Variants in WNT7A observed in about 807,000 individuals in gnomAD.
The protein encoded by WNT7A is Wnt family member 7A, also known as protein Wnt-7a.
In WNT7A, 16 loss-of-function variants were observed where a neutral mutation model predicts 28.2. The observed-to-expected ratio is 0.57, with a 90% CI of 0.38 to 0.86. The LOEUF is 0.86. Ranked by LOEUF, WNT7A falls within the 40% of genes least tolerant of loss-of-function variation. The pLI, the probability that WNT7A is intolerant of heterozygous loss-of-function variation, is 0.00. For synonymous variants in WNT7A, 190 were observed against 195.9 expected, an observed-to-expected ratio of 0.97 and a Z score of 0.25; for missense variants, 411 against 489.7, an observed-to-expected ratio of 0.84 and a Z score of 1.52.
chr3:13,822,416 A>G (rs1694126420), intron 3 of WNT7A, among the ~76,000 whole-genome samples: 1 of 152,268 alleles, frequency 6.6e-6, no homozygotes, highest in Non-Finnish European at 1.5e-5. Flanking sequence ...ACACGCTACA[A>G]CATGGATGAG....
intron 2 of WNT7A, among the ~76,000 whole-genome samples, chr3:13,871,664 T>C (rs1452822269): frequency 6.6e-6 from 1 of 151,982 alleles, no homozygotes; most frequent in East Asian, 1.9e-4. Flanking sequence ...GGCTGGTGGA[T>C]TTCAAAGCAG....
At chr3:13,868,578 GA>G (rs1228715817) in intron 2 of WNT7A, among the ~76,000 whole-genome samples, 1 of 19,326 alleles carries the variant, frequency 5.2e-5, no homozygotes. Context: ...GAGAGAGAGA[GA>G]GAGAGAGAGA....
chr3:13,853,749 T>C (rs925902243), intron 3 of WNT7A, among the ~76,000 whole-genome samples: 4 of 152,214 alleles, frequency 2.6e-5, no homozygotes, highest in African/African-American at 9.6e-5. Context: ...ATCCTGACCC[T>C]GACTTGCTGC....
intron 3 of WNT7A, among the ~76,000 whole-genome samples, chr3:13,843,123 G>A (rs1381421810): frequency 1.3e-5 from 2 of 152,146 alleles, no homozygotes; most frequent in African/African-American, 4.8e-5. Flanking sequence ...TCCTTCTCTT[G>A]AGTCTGCTAG....
intron 2 of WNT7A, among the ~76,000 whole-genome samples, chr3:13,863,503 C>T (rs9828013): frequency 0.59 from 89,402 of 151,836 alleles, 28,326 homozygotes; most frequent in African/African-American, 0.82. Context: ...CTGTCTACCA[C>T]ATGAAAGCTG....
chr3:13,866,392 T>C (rs1363839993), intron 2 of WNT7A, among the ~76,000 whole-genome samples: 1 of 152,342 alleles, frequency 6.6e-6, no homozygotes, highest in East Asian at 1.9e-4. Context: ...ATCACTCCCG[T>C]TTGGTCAAGG....
At chr3:13,847,738 G>A (rs1317368224) in intron 3 of WNT7A, among the ~76,000 whole-genome samples, 3 of 152,072 alleles carry the variant, frequency 2.0e-5, no homozygotes, top group Admixed American at 1.3e-4. Flanking sequence ...TGCCTCTTAT[G>A]TGGGGCGCCT....
intron 3 of WNT7A, among the ~76,000 whole-genome samples, chr3:13,828,659 C>T (rs1171868673): frequency 2.6e-5 from 4 of 152,142 alleles, no homozygotes; most frequent in East Asian, 1.9e-4. Flanking sequence ...GCCAGGACCT[C>T]GAGGGCTGGA....
At position 13,872,896 on chromosome 3, in the gene WNT7A, T is replaced by C. The variant is rs148215823; in HGVS notation, c.298+2051A>G. On this transcript the variant is annotated intron_variant, in intron 2 of 3. Coordinates refer to ENST00000285018, the MANE Select transcript of WNT7A (RefSeq NM_004625.4). ...TGAGAGGCCCTGCCACTCATTTGAC[T>C]TGACTTCGAGCAAGTCCCTTATGAG... 4.8e-3 allele frequency among the ~76,000 whole-genome samples: 732 copies of C among 152,342 alleles called. 8 individuals carry two copies. The highest frequency in any genetic ancestry group is 0.016 in the African/African-American group (661 of 41,572).
intron 2 of WNT7A, among the ~76,000 whole-genome samples, chr3:13,863,111 C>T (rs1204511258): frequency 6.6e-6 from 1 of 152,172 alleles, no homozygotes; most frequent in Non-Finnish European, 1.5e-5. Flanking sequence ...TAAGCCAATG[C>T]ACATGACAAG....
chr3:13,869,418 GAAAC>G (rs1270748920), intron 2 of WNT7A, among the ~76,000 whole-genome samples: 7 of 117,486 alleles, frequency 6.0e-5, no homozygotes, highest in Non-Finnish European at 1.2e-4. Flanking sequence ...AGGAAAGAAA[GAAAC>G]AAAGAAAAGA....
intron 3 of WNT7A, 143 bp downstream of exon 3, chr3:13,854,389 A>C: frequency 7.3e-7 from 1 of 1,376,244 alleles, no homozygotes. Flanking sequence ...GACCAGCTAC[A>C]AGCTGATGCC....
In WNT7A at chr3:13,819,384, C is replaced by T. The variant is rs387907231; in HGVS notation, c.610G>A (p.Gly204Ser). The T allele has an allele frequency of 6.2e-7, 1 of 1,613,534 alleles. No homozygotes were observed. The highest frequency in any genetic ancestry group is 8.5e-7 in the Non-Finnish European group (1 of 1,179,800). ...ENMKLECKCH[G>S]VSGSCTTKTC... Reference sequence around the variant, plus strand: ...TTGGTGGTGCACGAGCCTGACACGCCGTGGCACTTACATTCCAGCTTCATG... The same window carrying T: ...TTGGTGGTGCACGAGCCTGACACGCTGTGGCACTTACATTCCAGCTTCATG... The change falls in exon 4 of 4, where the codon GGC (glycine) becomes AGC (serine). Residue 204 changes from glycine to serine, a missense_variant. Coordinates refer to ENST00000285018, the MANE Select transcript of WNT7A (RefSeq NM_004625.4).
intron 3 of WNT7A, among the ~76,000 whole-genome samples, chr3:13,833,026 T>C (rs1391812608): frequency 6.6e-6 from 1 of 152,068 alleles, no homozygotes. Flanking sequence ...GCCCGAGAAC[T>C]GTGGACACAC....
intron 2 of WNT7A, 93 bp downstream of exon 2, chr3:13,874,854 G>T: frequency 9.5e-6 from 12 of 1,268,282 alleles, no homozygotes; most frequent in Non-Finnish European, 1.4e-5. Flanking sequence ...ATTCTAGCAG[G>T]GGCAGGTGAG....
chr3:13,828,417 C>T (rs1694231300), intron 3 of WNT7A, among the ~76,000 whole-genome samples: 1 of 152,222 alleles, frequency 6.6e-6, no homozygotes, highest in African/African-American at 2.4e-5. Context: ...CCCAAGACCA[C>T]TGTGTTCCAG....
chr3:13,829,223 A>G (rs1225871709), intron 3 of WNT7A, among the ~76,000 whole-genome samples: 4 of 152,184 alleles, frequency 2.6e-5, no homozygotes, highest in Non-Finnish European at 5.9e-5. Flanking sequence ...GCCCAAGAAA[A>G]GACTGTTGAG....
At chr3:13,866,942 G>A (rs1224778119) in intron 2 of WNT7A, among the ~76,000 whole-genome samples, 2 of 152,172 alleles carry the variant, frequency 1.3e-5, no homozygotes, top group Admixed American at 6.5e-5. Context: ...TGGTGGTGAA[G>A]GTGGTGAAAA....
chr3:13,854,864 C>G (rs1694705199), intron 2 of WNT7A, 61 bp from the exon 3 acceptor site: 2 of 1,600,080 alleles, frequency 1.2e-6, no homozygotes, highest in Admixed American at 3.3e-5. Flanking sequence ...TGAGAGGAGG[C>G]TGGGCCTGAC....
Sources: allele counts gnomAD v4.1 joint callset (sites outside exome capture counted in the v4.1 genomes callset), GRCh38; gene constraint gnomAD v4.1.1; transcripts MANE v1.5; gene names NCBI Gene and HGNC (gene_info 2026-07-23, HGNC 2026-07-21).